Variants in TBC1D22A observed in about 807,000 individuals in gnomAD.
TBC1D22A encodes TBC1 domain family member 22A.
TBC1D22A carries 38 observed loss-of-function variants against 60.2 expected under a neutral mutation model. That is an observed-to-expected ratio of 0.63 (90% CI 0.49 to 0.83). The LOEUF is 0.83. TBC1D22A is among the 40% of genes least tolerant of loss of function. The probability of loss-of-function intolerance (pLI) is 0.00; values close to 1 mark genes in which losing one functional copy is unlikely to be tolerated. For synonymous variants in TBC1D22A, 302 were observed against 281.7 expected (o/e 1.07, Z -0.72); for missense variants, 628 against 701.0 (o/e 0.90, Z 1.18).
At chr22:47,155,802 A>G (rs936233681) in intron 12 of TBC1D22A, among the ~76,000 whole-genome samples, 1 of 151,634 alleles carries the variant, frequency 6.6e-6, no homozygotes, top group African/African-American at 2.4e-5. Context: ...GCGCAGCCTG[A>G]CCTTTCTGTG....
intron 4 of TBC1D22A, among the ~76,000 whole-genome samples, chr22:46,856,438 C>T (rs144888883): frequency 1.7e-3 from 266 of 152,274 alleles, no homozygotes; most frequent in African/African-American, 6.1e-3. Flanking sequence ...CTGAGTCCAA[C>T]TGGAAAGTAA....
intron 12 of TBC1D22A, among the ~76,000 whole-genome samples, chr22:47,158,478 C>A (rs116940386): frequency 7.9e-5 from 12 of 152,116 alleles, no homozygotes; most frequent in Middle Eastern, 3.2e-3. Flanking sequence ...AGTTCCCCCC[C>A]CAATCTGAAA....
chr22:47,003,684 C>T (rs1243652113), intron 10 of TBC1D22A, among the ~76,000 whole-genome samples: 2 of 118,684 alleles, frequency 1.7e-5, no homozygotes, highest in Non-Finnish European at 3.2e-5. Flanking sequence ...TACACACATG[C>T]CTGTATACAC....
chr22:46,785,593 A>G (rs890191481), intron 1 of TBC1D22A, among the ~76,000 whole-genome samples: 5 of 152,184 alleles, frequency 3.3e-5, no homozygotes, highest in African/African-American at 1.2e-4. Context: ...TCCTTTAACT[A>G]TCACCCCTGC....
intron 12 of TBC1D22A, among the ~76,000 whole-genome samples, chr22:47,155,214 GA>G (rs61662246): frequency 0.083 from 12,156 of 146,040 alleles, 1,564 homozygotes; most frequent in African/African-American, 0.28. Flanking sequence ...TCCTTTTTTG[GA>G]AAAAAAAAAA....
At chr22:46,879,707 C>T (rs1276892885) in intron 5 of TBC1D22A, among the ~76,000 whole-genome samples, 3 of 152,112 alleles carry the variant, frequency 2.0e-5, no homozygotes, top group Non-Finnish European at 2.9e-5. Flanking sequence ...TTCTAAATGT[C>T]CCCTAAGATA....
intron 8 of TBC1D22A, among the ~76,000 whole-genome samples, chr22:46,962,497 A>G (rs945610299): frequency 6.6e-6 from 1 of 152,200 alleles, no homozygotes; most frequent in African/African-American, 2.4e-5. Flanking sequence ...ATTTCACTTG[A>G]GATGTTTGTC....
intron 8 of TBC1D22A, among the ~76,000 whole-genome samples, chr22:46,944,641 G>T: frequency 6.6e-6 from 1 of 152,270 alleles, no homozygotes; most frequent in South Asian, 2.1e-4. Context: ...CTTGTAATCT[G>T]CCCACCTTGG....
intron 11 of TBC1D22A, among the ~76,000 whole-genome samples, chr22:47,101,753 G>A (rs190920906): frequency 6.6e-6 from 1 of 152,318 alleles, no homozygotes; most frequent in Admixed American, 6.5e-5. Flanking sequence ...AGGTGGATGG[G>A]GCCTCATATG....
chr22:46,901,676 T>G (rs1442500322), intron 7 of TBC1D22A, among the ~76,000 whole-genome samples: 1 of 150,576 alleles, frequency 6.6e-6, no homozygotes, highest in Non-Finnish European at 1.5e-5. Context: ...CAGTTCGATT[T>G]TGGTTTCATT....
intron 11 of TBC1D22A, among the ~76,000 whole-genome samples, chr22:47,091,753 ACT>A (rs1269517259): frequency 6.6e-6 from 1 of 151,428 alleles, no homozygotes; most frequent in Non-Finnish European, 1.5e-5. Flanking sequence ...ATCCAGCTGG[ACT>A]CTTCCTTTTT....
At chr22:47,140,321 C>T (rs1274608655) in intron 12 of TBC1D22A, among the ~76,000 whole-genome samples, 1 of 151,952 alleles carries the variant, frequency 6.6e-6, no homozygotes, top group Non-Finnish European at 1.5e-5. Flanking sequence ...CCTGTAATCC[C>T]AGCACTTTGG....
intron 10 of TBC1D22A, among the ~76,000 whole-genome samples, chr22:47,010,672 C>T (rs2061725464): frequency 6.6e-6 from 1 of 152,180 alleles, no homozygotes; most frequent in Non-Finnish European, 1.5e-5. Flanking sequence ...AACCTGTCTG[C>T]AGCCTGGGTT....
chr22:46,839,532 C>A (rs977364238), intron 4 of TBC1D22A, among the ~76,000 whole-genome samples: 12 of 152,150 alleles, frequency 7.9e-5, no homozygotes, highest in African/African-American at 2.9e-4. Context: ...GTAAAGTGAT[C>A]TACACATAGG....
intron 9 of TBC1D22A, among the ~76,000 whole-genome samples, chr22:46,981,698 G>C (rs944423063): frequency 1.4e-4 from 22 of 152,298 alleles, no homozygotes; most frequent in African/African-American, 5.3e-4. Flanking sequence ...TGAGTTTCCT[G>C]AGGCCTCCCC....
At chr22:46,974,473 TG>T in intron 9 of TBC1D22A, 74 bp downstream of exon 9, 10 of 1,270,108 alleles carry the variant, frequency 7.9e-6, no homozygotes, top group Non-Finnish European at 1.0e-5. Flanking sequence ...GGCCTTAGGC[TG>T]CTCCTGAGTC....
intron 4 of TBC1D22A, among the ~76,000 whole-genome samples, chr22:46,807,836 C>T (rs2147006290): frequency 6.6e-6 from 1 of 152,244 alleles, no homozygotes; most frequent in South Asian, 2.1e-4. Flanking sequence ...GGTGAAGTAG[C>T]TCATACTTGT....
In TBC1D22A at chr22:47,080,981, G is replaced by T. The variant is rs191690232; in HGVS notation, c.1330-30527G>T. Among the ~76,000 whole-genome samples, 10 of 152,178 alleles carry T rather than the reference G, an allele frequency of 6.6e-5. No homozygotes were observed. The East Asian group carries it at 1.9e-3, about 29-fold the overall frequency. Reference sequence around the variant, plus strand: ...ACTAAAAATACAATATTAGCTGGGCGTGATGGCGCATGCCTGTAATCCCAG... The same window carrying T: ...ACTAAAAATACAATATTAGCTGGGCTTGATGGCGCATGCCTGTAATCCCAG... On this transcript the variant is annotated intron_variant, in intron 11 of 12. Coordinates refer to ENST00000337137, the MANE Select transcript of TBC1D22A (RefSeq NM_014346.5).
intron 8 of TBC1D22A, among the ~76,000 whole-genome samples, chr22:46,920,606 A>G (rs796528468): frequency 3.3e-5 from 5 of 152,208 alleles, no homozygotes; most frequent in African/African-American, 1.2e-4. Flanking sequence ...ACTGTGTCGC[A>G]TGCGTGTGTC....
Sources: gnomAD v4.1 joint callset for allele counts (sites outside exome capture counted in the v4.1 genomes callset) on GRCh38, gnomAD v4.1.1 for gene constraint, MANE v1.5 for transcripts, NCBI Gene and HGNC (gene_info 2026-07-23, HGNC 2026-07-21) for gene names.